FOXO3: variants seen among roughly 807,000 people sequenced by gnomAD.
The protein encoded by FOXO3 is forkhead box protein O3.
Under a neutral mutation model 41.9 loss-of-function variants are expected in FOXO3, and 4 were observed. The ratio of observed to expected loss-of-function variants is 0.10; its 90% CI spans 0.05 to 0.22. The LOEUF is 0.22. FOXO3 is among the 10% of genes least tolerant of loss of function. FOXO3 has a pLI of 1.00. For missense variants in FOXO3, 534 were observed against 906.8 expected, an observed-to-expected ratio of 0.59 and a Z score of 5.28; for synonymous variants, 318 against 389.3, an observed-to-expected ratio of 0.82 and a Z score of 2.16.
chr6:108,673,326 G>A (rs1423718673), intron 2 of FOXO3, among the ~76,000 whole-genome samples: 1 of 152,220 alleles, frequency 6.6e-6, no homozygotes, highest in African/African-American at 2.4e-5. Flanking sequence ...GAGGGCCACC[G>A]GGGCCACACA....
At chr6:108,567,151 C>T (rs552121266) in intron 1 of FOXO3, among the ~76,000 whole-genome samples, 15 of 152,198 alleles carry the variant, frequency 9.9e-5, no homozygotes, top group Non-Finnish European at 2.1e-4. Flanking sequence ...TTTTTTACAT[C>T]TGTATTTCTG....
At chr6:108,599,727 C>A (rs1776990257) in intron 1 of FOXO3, among the ~76,000 whole-genome samples, 1 of 152,214 alleles carries the variant, frequency 6.6e-6, no homozygotes, top group South Asian at 2.1e-4. Flanking sequence ...GAGTAAGTAT[C>A]TGAGAAGCAA....
At chr6:108,577,074 T>TA (rs927026954) in intron 1 of FOXO3, among the ~76,000 whole-genome samples, 16 of 152,270 alleles carry the variant, frequency 1.1e-4, no homozygotes, top group African/African-American at 3.4e-4. Flanking sequence ...TTTCCCCGTT[T>TA]AAAAAAACAG....
rs1218216823 is a variant in FOXO3, at chr6:108,680,589, A to C, written c.*797A>C. 6.6e-6 allele frequency: 1 copy of C among 152,578 alleles called. No individual in the cohort carries two copies. Among genetic ancestry groups the C allele is most frequent in the Non-Finnish European group, 1.5e-5 (1 of 68,074 alleles). 9.5% of individuals were successfully genotyped at this position (152,578 alleles called of 1,614,324 possible). ...GCACCAAGTCTACGGGTGCCAGATC[A>C]GTAGGGCCTGTGATTTCCTGTCAGT... On this transcript the variant is annotated 3_prime_UTR_variant, in exon 3 of 3. Transcript: ENST00000406360.
At chr6:108,640,690 G>A (rs577409357) in intron 1 of FOXO3, among the ~76,000 whole-genome samples, 1 of 152,136 alleles carries the variant, frequency 6.6e-6, no homozygotes, top group Non-Finnish European at 1.5e-5. Context: ...TTAATAGATA[G>A]AAAATTTGGG....
intron 2 of FOXO3, among the ~76,000 whole-genome samples, chr6:108,669,061 T>C (rs1409831603): frequency 6.6e-6 from 1 of 152,036 alleles, no homozygotes; most frequent in Non-Finnish European, 1.5e-5. Context: ...TGCAGTGAGC[T>C]GAGACTGCGC....
intron 1 of FOXO3, among the ~76,000 whole-genome samples, chr6:108,653,689 G>A (rs1413405762): frequency 1.3e-5 from 2 of 152,156 alleles, no homozygotes; most frequent in African/African-American, 4.8e-5. Flanking sequence ...CTAAATTCTT[G>A]GATGTGCTCC....
At chr6:108,592,311 GA>G (rs1186252593) in intron 1 of FOXO3, among the ~76,000 whole-genome samples, 3 of 151,926 alleles carry the variant, frequency 2.0e-5, no homozygotes, top group Non-Finnish European at 4.4e-5. Flanking sequence ...GATTTGAACC[GA>G]AAAAAGGGGT....
chr6:108,657,461 T>C (rs1220053574), intron 1 of FOXO3, among the ~76,000 whole-genome samples: 2 of 152,222 alleles, frequency 1.3e-5, no homozygotes, highest in Non-Finnish European at 2.9e-5. Context: ...GGTTATTACG[T>C]ACCTTACTAT....
intron 1 of FOXO3, among the ~76,000 whole-genome samples, chr6:108,650,714 C>T (rs1778525314): frequency 6.6e-6 from 1 of 152,150 alleles, no homozygotes; most frequent in African/African-American, 2.4e-5. Context: ...TGGGAACACC[C>T]TAGATTTTAA....
chr6:108,622,895 T>C (rs1167980425), intron 1 of FOXO3, among the ~76,000 whole-genome samples: 1 of 150,670 alleles, frequency 6.6e-6, no homozygotes, highest in African/African-American at 2.5e-5. Flanking sequence ...TTCAGAAACT[T>C]GATTCTTCTG....
At chr6:108,563,243 C>T (rs1328130089) in intron 1 of FOXO3, among the ~76,000 whole-genome samples, 1 of 152,192 alleles carries the variant, frequency 6.6e-6, no homozygotes, top group Non-Finnish European at 1.5e-5. Context: ...CGGCTTATAT[C>T]AGAGAGGCTT....
chr6:108,684,268 A>G lies in FOXO3; in HGVS notation c.*4476A>G, dbSNP rs1226445418. The stretch of plus-strand genomic sequence containing the variant: ...AACAAATGTGAAGGAGGACCAGAAA[A>G]ATTAGTTAATATTTAAAAAAATGTA... On this transcript the variant is annotated 3_prime_UTR_variant, in exon 3 of 3. Transcript: ENST00000406360. 1 of 152,616 alleles carries G rather than the reference A, an allele frequency of 6.6e-6. No individual in the cohort carries two copies. Among genetic ancestry groups the G allele is most frequent in the African/African-American group, 2.4e-5 (1 of 41,442 alleles). 9.5% of individuals were successfully genotyped at this position (152,616 alleles called of 1,614,324 possible).
chr6:108,624,544 A>G (rs1777758696), intron 1 of FOXO3, among the ~76,000 whole-genome samples: 1 of 152,216 alleles, frequency 6.6e-6, no homozygotes, highest in Non-Finnish European at 1.5e-5. Context: ...GTTGTTGGGC[A>G]CATCCTTGCA....
rs1357699656 is a variant in FOXO3, at chr6:108,607,178, G to A, written c.621+45349G>A. Among the ~76,000 whole-genome samples the A allele has an allele frequency of 3.9e-5, 6 of 152,116 alleles. No homozygotes were observed. The East Asian group carries it at 7.7e-4, about 20-fold the overall frequency. ...TAGAAGAATAATATTTCAGCTGGGC[G>A]CAGTGGCTCAAGCCTGTAATCCCAG... On this transcript the variant is annotated intron_variant, in intron 1 of 2. Coordinates refer to ENST00000406360, the MANE Select transcript of FOXO3 (RefSeq NM_001455.4).
chr6:108,622,523 G>GTT (rs1172396552), intron 1 of FOXO3, among the ~76,000 whole-genome samples: 1 of 152,074 alleles, frequency 6.6e-6, no homozygotes, highest in African/African-American at 2.4e-5. Context: ...TGTTTTTGGT[G>GTT]TTTTTTTGTT....
At chr6:108,669,391 A>G (rs956506500) in intron 2 of FOXO3, among the ~76,000 whole-genome samples, 14 of 152,352 alleles carry the variant, frequency 9.2e-5, no homozygotes, top group African/African-American at 3.4e-4. Flanking sequence ...TTCTAACCAA[A>G]TACAGGTAAT....
At chr6:108,595,019 C>T (rs866019616) in intron 1 of FOXO3, among the ~76,000 whole-genome samples, 4 of 152,028 alleles carry the variant, frequency 2.6e-5, no homozygotes, top group Non-Finnish European at 4.4e-5. Flanking sequence ...ATGGTGGTTC[C>T]CCAAACAACA....
At chr6:108,587,773 C>T (rs1034213821) in intron 1 of FOXO3, among the ~76,000 whole-genome samples, 1 of 152,186 alleles carries the variant, frequency 6.6e-6, no homozygotes, top group Admixed American at 6.5e-5. Context: ...CTTGACTTCC[C>T]TGATGGTACA....
Sources: allele counts gnomAD v4.1 joint callset (sites outside exome capture counted in the v4.1 genomes callset), GRCh38; gene constraint gnomAD v4.1.1; transcripts MANE v1.5; gene names NCBI Gene and HGNC (gene_info 2026-07-23, HGNC 2026-07-21).